The following NAV3 variants were observed in gnomAD, a reference collection of about 807,000 sequenced individuals.
The protein encoded by NAV3 is neuron navigator 3.
NAV3 carries 87 observed loss-of-function variants against 244.7 expected under a neutral mutation model. That is an observed-to-expected ratio of 0.36 (90% CI 0.30 to 0.42). The LOEUF (loss-of-function observed/expected upper bound fraction) is 0.42, where lower values mean the gene tolerates loss of function less well. Among genes scored for constraint, NAV3 ranks in the 20% least tolerant of loss-of-function variants. NAV3 has a pLI of 1.00. For missense variants in NAV3, 2,663 were observed against 2,893.3 expected (o/e 0.92, Z 1.83); for synonymous variants, 1,126 against 1,042.2 (o/e 1.08, Z -1.55).
chr12:78,164,768 G>A (rs1957708876), intron 23 of NAV3, among the ~76,000 whole-genome samples: 1 of 152,006 alleles, frequency 6.6e-6, no homozygotes, highest in Non-Finnish European at 1.5e-5. Flanking sequence ...ACTAGAGCTG[G>A]GAAGTGTGAG....
At chr12:78,030,878 A>T (rs1878861050) in intron 9 of NAV3, among the ~76,000 whole-genome samples, 1 of 152,184 alleles carries the variant, frequency 6.6e-6, no homozygotes, top group Non-Finnish European at 1.5e-5. Flanking sequence ...TGGGAAACAA[A>T]TTCTTCTTAA....
At chr12:77,834,940 TAG>T (rs1271647024) in intron 1 of NAV3, among the ~76,000 whole-genome samples, 1 of 152,002 alleles carries the variant, frequency 6.6e-6, no homozygotes, top group Non-Finnish European at 1.5e-5. Context: ...GTAGTTATAT[TAG>T]AGAGAATTAG....
chr12:77,637,901 T>A (rs574338714), intron 2 of NAV3, among the ~76,000 whole-genome samples: 85 of 152,348 alleles, frequency 5.6e-4, no homozygotes, highest in African/African-American at 1.9e-3. Context: ...TTTTAAATAG[T>A]GTTTCCTTAT....
chr12:78,199,117 T>C (rs141854685), intron 36 of NAV3: 66 of 627,066 alleles, frequency 1.1e-4, no homozygotes, highest in African/African-American at 1.0e-3. Flanking sequence ...CATGAGCTTC[T>C]TTTTAGCTCA....
At chr12:78,081,705 C>A (rs1214906408) in intron 12 of NAV3, among the ~76,000 whole-genome samples, 1 of 152,120 alleles carries the variant, frequency 6.6e-6, no homozygotes, top group Non-Finnish European at 1.5e-5. Context: ...AAGTTTCTCC[C>A]TTTTCAAAGT....
chr12:77,689,083 A>T (rs1874887789), intron 2 of NAV3, among the ~76,000 whole-genome samples: 1 of 151,966 alleles, frequency 6.6e-6, no homozygotes, highest in Non-Finnish European at 1.5e-5. Context: ...GTGTACTATT[A>T]AAGATTTTAT....
At chr12:77,587,678 T>C (rs1414452920) in intron 2 of NAV3, among the ~76,000 whole-genome samples, 1 of 152,238 alleles carries the variant, frequency 6.6e-6, no homozygotes, top group African/African-American at 2.4e-5. Context: ...AAAAGCTTGG[T>C]GAAACTATTA....
At chr12:77,925,045 CT>C (rs1318002253) in intron 1 of NAV3, among the ~76,000 whole-genome samples, 2 of 152,030 alleles carry the variant, frequency 1.3e-5, no homozygotes, top group African/African-American at 2.4e-5. Context: ...CTTTCCACTT[CT>C]GAAACCCTTC....
In NAV3 at chr12:78,085,345, A is replaced by G. The variant is rs115052582; in HGVS notation, c.2636+26230A>G. On this transcript the variant is annotated intron_variant, in intron 12 of 39. Coordinates refer to ENST00000397909, the MANE Select transcript of NAV3 (RefSeq NM_001024383.2). The stretch of plus-strand genomic sequence containing the variant: ...ATGTCTTTTCTTGAGACAGAGGGGA[A>G]GAGCAAAAGAGGCAGCAGAAACTTA... Among the ~76,000 whole-genome samples the G allele has an allele frequency of 2.4e-3, 358 of 152,284 alleles. 2 individuals carry two copies. Among genetic ancestry groups the G allele is most frequent in the African/African-American group, 7.8e-3 (324 of 41,574 alleles).
intron 2 of NAV3, among the ~76,000 whole-genome samples, chr12:77,673,266 C>T (rs546373722): frequency 8.2e-4 from 125 of 152,138 alleles, no homozygotes; most frequent in African/African-American, 3.0e-3. Context: ...TTAAAATGTC[C>T]TCTTTTATGA....
intron 1 of NAV3, among the ~76,000 whole-genome samples, chr12:77,896,231 T>G (rs1375129471): frequency 6.6e-6 from 1 of 152,160 alleles, no homozygotes; most frequent in Non-Finnish European, 1.5e-5. Context: ...TAAGTCGATA[T>G]AGTAAGATAG....
chr12:77,768,140 T>G (rs887971139), intron 2 of NAV3, among the ~76,000 whole-genome samples: 25 of 152,096 alleles, frequency 1.6e-4, no homozygotes, highest in African/African-American at 6.0e-4. Context: ...TCTGGCTGAG[T>G]CTGGGGTTTT....
chr12:77,863,131 A>C (rs1486569780), intron 1 of NAV3, among the ~76,000 whole-genome samples: 1 of 151,858 alleles, frequency 6.6e-6, no homozygotes, highest in Non-Finnish European at 1.5e-5. Context: ...CCAATCCAAC[A>C]AGTTTATATT....
chr12:77,979,624 C>T (rs537257606), intron 5 of NAV3, among the ~76,000 whole-genome samples: 11 of 144,572 alleles, frequency 7.6e-5, no homozygotes, highest in African/African-American at 2.6e-4. Flanking sequence ...GTGCCCTTTT[C>T]TATGCTTCTA....
chr12:77,914,795 C>T (rs2731426), intron 1 of NAV3, among the ~76,000 whole-genome samples: 16,651 of 150,322 alleles, frequency 0.11, 1,051 homozygotes, highest in South Asian at 0.2. Flanking sequence ...AAACAATAAA[C>T]ACAAACCTTT....
chr12:77,674,356 A>G (rs1198411961), intron 2 of NAV3, among the ~76,000 whole-genome samples: 2 of 152,048 alleles, frequency 1.3e-5, no homozygotes, highest in African/African-American at 2.4e-5. Context: ...CTAAAGTTCA[A>G]CTAACACCAA....
At chr12:77,723,197 A>G (rs1527793) in intron 2 of NAV3, among the ~76,000 whole-genome samples, 103,508 of 151,600 alleles carry the variant, frequency 0.68, 37,373 homozygotes, top group East Asian at 0.89. Context: ...AGATGGTGTG[A>G]TATACCAAAC....
chr12:77,850,825 G>T (rs926687367), intron 1 of NAV3, among the ~76,000 whole-genome samples: 1 of 152,030 alleles, frequency 6.6e-6, no homozygotes, highest in South Asian at 2.1e-4. Context: ...GTCCTTGCTG[G>T]TCTCTGCAGA....
intron 34 of NAV3, among the ~76,000 whole-genome samples, chr12:78,195,527 C>G (rs1029037224): frequency 1.3e-5 from 2 of 151,984 alleles, no homozygotes; most frequent in Admixed American, 6.6e-5. Context: ...CTCTGCTTAT[C>G]AACTCTAAGT....
Sources: gnomAD v4.1 joint callset for allele counts (sites outside exome capture counted in the v4.1 genomes callset) on GRCh38, gnomAD v4.1.1 for gene constraint, MANE v1.5 for transcripts, NCBI Gene and HGNC (gene_info 2026-07-23, HGNC 2026-07-21) for gene names.